WAC: variants seen among roughly 807,000 people sequenced by gnomAD.
WAC encodes the protein WW domain containing adaptor with coiled-coil, also known as WW domain-containing adapter protein with coiled-coil.
Under a neutral mutation model 79.6 loss-of-function variants are expected in WAC, and 11 were observed. The ratio of observed to expected loss-of-function variants is 0.14; its 90% CI spans 0.09 to 0.23. The LOEUF is 0.23. Among genes scored for constraint, WAC ranks in the 10% least tolerant of loss-of-function variants. The pLI is 1.00. For missense variants in WAC, 728 were observed against 773.5 expected, an observed-to-expected ratio of 0.94 and a Z score of 0.70; for synonymous variants, 304 against 276.9, an observed-to-expected ratio of 1.10 and a Z score of -0.97.
At chr10:28,588,731 T>A (rs1839941767) in intron 4 of WAC, 2 of 152,196 alleles carry the variant, frequency 1.3e-5, no homozygotes, top group Non-Finnish European at 2.9e-5. Flanking sequence ...TTTAAATATT[T>A]TTTAATTTTT....
intron 4 of WAC, among the ~76,000 whole-genome samples, chr10:28,588,468 A>G (rs1839929628): frequency 6.6e-6 from 1 of 152,220 alleles, no homozygotes; most frequent in Non-Finnish European, 1.5e-5. Context: ...AATTTAGTGG[A>G]AATAATAGGC....
rs189984510 is a variant in WAC at position 28,571,035 on chromosome 10, C to T, written c.275-12364C>T. Among the ~76,000 whole-genome samples the T allele has an allele frequency of 1.9e-3, 269 of 142,546 alleles. 1 individual carries two copies. Among genetic ancestry groups the T allele is most frequent in the Non-Finnish European group, 3.2e-3 (212 of 66,296 alleles). The allele number at this position is 142,546 out of a possible 152,430, so 93.5% of individuals were successfully genotyped here. A position where few individuals can be genotyped will look rare whatever the true frequency, so the allele number is the denominator to read the frequency against. On this transcript the variant is annotated intron_variant, in intron 3 of 13. Coordinates refer to ENST00000354911, the MANE Select transcript of WAC (RefSeq NM_016628.5). ...TCAGTGGCGCGATCTTGGCTCACTG[C>T]AACCTCGGCCTCCTGGGTTCAGACG... is the stretch of plus-strand genomic sequence containing the variant.
At chr10:28,533,954 C>T in intron 1 of WAC, 44 bp from the exon 2 acceptor site, 3 of 1,603,322 alleles carry the variant, frequency 1.9e-6, no homozygotes, top group Non-Finnish European at 2.6e-6. Context: ...GGCCCCCCAC[C>T]CGCGCCGTGT....
At chr10:28,603,859 G>A (rs778717088) in intron 7 of WAC, among the ~76,000 whole-genome samples, 3 of 148,938 alleles carry the variant, frequency 2.0e-5, no homozygotes, top group Non-Finnish European at 3.0e-5. Context: ...GCGTGAACCC[G>A]GGAGGCAGAT....
At chr10:28,539,603 G>A (rs2132335346) in intron 3 of WAC, among the ~76,000 whole-genome samples, 1 of 152,048 alleles carries the variant, frequency 6.6e-6, no homozygotes, top group Middle Eastern at 3.4e-3. Context: ...GAGTTGCCCA[G>A]GCTGGAGTGC....
intron 10 of WAC, among the ~76,000 whole-genome samples, chr10:28,612,465 ATT>A: frequency 6.6e-6 from 1 of 152,312 alleles, no homozygotes; most frequent in East Asian, 1.9e-4. Flanking sequence ...TATTGCCTGT[ATT>A]TGTCCCAGCA....
intron 3 of WAC, among the ~76,000 whole-genome samples, chr10:28,559,133 C>G (rs1035065585): frequency 7.6e-5 from 5 of 65,394 alleles, no homozygotes; most frequent in East Asian, 6.8e-4. Context: ...CTCGAGAAAC[C>G]TGATGTGTGT....
chr10:28,539,290 A>AT (rs1836870642), intron 3 of WAC, among the ~76,000 whole-genome samples: 1 of 152,182 alleles, frequency 6.6e-6, no homozygotes. Flanking sequence ...GAAATCAGGG[A>AT]TTGTGAAGGT....
At chr10:28,566,447 C>A (rs1838619943) in intron 3 of WAC, among the ~76,000 whole-genome samples, 1 of 152,156 alleles carries the variant, frequency 6.6e-6, no homozygotes, top group Non-Finnish European at 1.5e-5. Flanking sequence ...TGATCTCAGA[C>A]AGTAAGCAGG....
At chr10:28,611,407 GGCTAGCCTCATGA>G in intron 9 of WAC, 1 of 1,306,224 alleles carries the variant, frequency 7.7e-7, no homozygotes, top group Non-Finnish European at 1.0e-6. Flanking sequence ...GCAACCCTCT[GGCTAGCCTCATGA>G]GCAGGAGACT....
At chr10:28,602,076 A>G (rs1425392565) in intron 7 of WAC, among the ~76,000 whole-genome samples, 3 of 152,208 alleles carry the variant, frequency 2.0e-5, no homozygotes, top group African/African-American at 7.2e-5. Context: ...AAACAATGCA[A>G]GAGAAAGATT....
chr10:28,561,638 T>A (rs1052298797), intron 3 of WAC, among the ~76,000 whole-genome samples: 7 of 152,166 alleles, frequency 4.6e-5, no homozygotes, highest in African/African-American at 1.7e-4. Flanking sequence ...ATACAGGTTT[T>A]TTGAAACCCC....
Position 28,605,893 on chromosome 10 carries a change from A to G in WAC, c.920-2293A>G, listed in dbSNP as rs533962639. Among the ~76,000 whole-genome samples, 54 of 152,336 alleles carry G rather than the reference A, an allele frequency of 3.5e-4. No individual in the cohort carries two copies. The East Asian group carries it at 6.7e-3, about 19-fold the overall frequency. Reference sequence around the variant, plus strand: ...ATATTAATACTAGTTTAATTCATGCAGTAAGTAGAAATAAAGAGTTTATTT... The same window carrying G: ...ATATTAATACTAGTTTAATTCATGCGGTAAGTAGAAATAAAGAGTTTATTT... On this transcript the variant is annotated intron_variant, in intron 7 of 13. Coordinates refer to ENST00000354911, the MANE Select transcript of WAC (RefSeq NM_016628.5).
intron 3 of WAC, among the ~76,000 whole-genome samples, chr10:28,564,849 C>T (rs1299330263): frequency 3.9e-5 from 6 of 152,162 alleles, no homozygotes; most frequent in Non-Finnish European, 8.8e-5. Context: ...ACTAGATTTG[C>T]ATGCAGTGTG....
rs968068478 is a variant in WAC, at chr10:28,533,494, CCCGCCG to C, written c.-74_-69del. On this transcript the variant is annotated 5_prime_UTR_variant, in exon 1 of 14. Coordinates refer to ENST00000354911, the MANE Select transcript of WAC (RefSeq NM_016628.5). ...GCCCAGGTGCCGGGGCTGCCCGCCG[CCCGCCG>C]CCGCCGCCGCCTGCGCGCCCGCCCG... 258 of 888,502 alleles carry C rather than the reference CCCGCCG, an allele frequency of 2.9e-4. No individual in the cohort carries two copies. Among genetic ancestry groups the C allele is most frequent in the Admixed American group, 5.8e-4 (10 of 17,136 alleles). 55.0% of individuals were successfully genotyped at this position (888,502 alleles called of 1,614,324 possible).
intron 3 of WAC, among the ~76,000 whole-genome samples, chr10:28,543,595 G>A (rs1837180993): frequency 6.6e-6 from 1 of 152,174 alleles, no homozygotes; most frequent in African/African-American, 2.4e-5. Flanking sequence ...ATTTCTCTAA[G>A]GAAAGTATTT....
intron 7 of WAC, among the ~76,000 whole-genome samples, chr10:28,606,350 C>T (rs1840952090): frequency 6.6e-6 from 1 of 152,174 alleles, no homozygotes; most frequent in Non-Finnish European, 1.5e-5. Context: ...GCAGAATTTT[C>T]GCAAGGAAAA....
intron 8 of WAC, chr10:28,608,719 G>A (rs183659943): frequency 3.9e-6 from 1 of 254,848 alleles, no homozygotes; most frequent in East Asian, 8.3e-5. Flanking sequence ...TACATAATGT[G>A]TATGGTGAAA....
At chr10:28,535,431 A>G in intron 2 of WAC, 131 bp from the exon 3 acceptor site, 1 of 1,160,754 alleles carries the variant, frequency 8.6e-7, no homozygotes, top group Non-Finnish European at 1.2e-6. Flanking sequence ...AGTAAAGCAG[A>G]ATTGAAAGTG....
Sources: allele counts gnomAD v4.1 joint callset (sites outside exome capture counted in the v4.1 genomes callset), GRCh38; gene constraint gnomAD v4.1.1; transcripts MANE v1.5; gene names NCBI Gene and HGNC (gene_info 2026-07-23, HGNC 2026-07-21).